Variants in TEX15 observed in about 807,000 individuals in gnomAD.
The protein encoded by TEX15 is testis expressed 15, meiosis and synapsis associated.
TEX15 carries 171 observed loss-of-function variants against 237.3 expected under a neutral mutation model. That is an observed-to-expected ratio of 0.72 (90% CI 0.64 to 0.82). TEX15 has a LOEUF of 0.82. Among genes scored for constraint, TEX15 ranks in the 40% least tolerant of loss-of-function variants. The pLI, the probability that TEX15 is intolerant of heterozygous loss-of-function variation, is 0.00. For synonymous variants in TEX15, 1,338 were observed against 1,269.8 expected, an observed-to-expected ratio of 1.05 and a Z score of -1.14; for missense variants, 3,750 against 3,646.5, an observed-to-expected ratio of 1.03 and a Z score of -0.73.
In TEX15 at chr8:30,848,272, T is replaced by C. The variant is rs755302336; in HGVS notation, c.1895A>G (p.Lys632Arg). Residue 632 changes from lysine (K) to arginine (R), a missense_variant, in exon 8 of 11, where the codon AAA (lysine) becomes AGA (arginine). Physicochemically the swap from Lys to Arg is conservative, Grantham distance 26 (BLOSUM62 2). Coordinates refer to ENST00000643185, the MANE Select transcript of TEX15 (RefSeq NM_001350162.2). ...CCATGAAGTTTGCTTTTCTTCATGT[T>C]TGGAACTGTCTTCCAGGTCAGCGAA... ...KNFADLEDSS[K>R]HEEKQTSWKE... The C allele has an allele frequency of 6.8e-6, 11 of 1,612,744 alleles. 1 individual carries two copies. In the Middle Eastern group the frequency reaches 4.9e-4, roughly 72 times the overall value.
chr8:30,857,994 A>G (rs1807946466), intron 7 of TEX15, among the ~76,000 whole-genome samples: 1 of 152,214 alleles, frequency 6.6e-6, no homozygotes. Context: ...GTAAATACAT[A>G]TTCTATGGAA....
At chr8:30,885,996 T>C (rs192485489) in intron 3 of TEX15, among the ~76,000 whole-genome samples, 14 of 152,346 alleles carry the variant, frequency 9.2e-5, no homozygotes, top group Non-Finnish European at 1.5e-4. Flanking sequence ...TGTCCAAGTA[T>C]CTTCATGGTA....
intron 7 of TEX15, among the ~76,000 whole-genome samples, chr8:30,855,992 C>T (rs776085985): frequency 6.6e-6 from 1 of 152,040 alleles, no homozygotes; most frequent in Non-Finnish European, 1.5e-5. Flanking sequence ...TTCACCCAGG[C>T]TGTAGTGAAG....
chr8:30,873,419 G>T (rs2128772959), intron 4 of TEX15, among the ~76,000 whole-genome samples: 1 of 152,212 alleles, frequency 6.6e-6, no homozygotes, highest in East Asian at 1.9e-4. Flanking sequence ...AACGGGAAAT[G>T]GTCAAGGCAC....
chr8:30,847,913 T>A lies in TEX15; in HGVS notation c.2254A>T (p.Lys752Ter). ...ATGCTAGCATAATTTTGATTTATTTTCCCCAATTTCAGTTCCATTAGCTTT... is the reference window on the plus strand; with the variant it reads ...ATGCTAGCATAATTTTGATTTATTTACCCCAATTTCAGTTCCATTAGCTTT... ...AQKLMELKLG[K>*]INQNYASIIT... is the part of the protein sequence containing the mutation. The change falls in exon 8 of 11, where the codon AAA becomes TAA. Residue 752 changes from lysine to a stop codon, truncating the protein, a stop_gained. Transcript: ENST00000643185. LOFTEE classifies it high-confidence loss of function. 1 of 1,613,934 alleles carries A rather than the reference T, an allele frequency of 6.2e-7. No homozygotes were observed. The highest frequency in any genetic ancestry group is 8.5e-7 in the Non-Finnish European group (1 of 1,179,928).
chr8:30,868,538 C>A (rs1808224463), intron 4 of TEX15, among the ~76,000 whole-genome samples: 1 of 151,982 alleles, frequency 6.6e-6, no homozygotes, highest in Non-Finnish European at 1.5e-5. Flanking sequence ...GTATACCATG[C>A]ACATAAGTAT....
At chr8:30,907,314 T>A (rs1809123024) in intron 1 of TEX15, among the ~76,000 whole-genome samples, 1 of 151,982 alleles carries the variant, frequency 6.6e-6, no homozygotes, top group Admixed American at 6.6e-5. Flanking sequence ...GGTGACTGGA[T>A]AATATTCAAA....
At chr8:30,879,138 T>C (rs1458156108) in intron 3 of TEX15, among the ~76,000 whole-genome samples, 1 of 152,104 alleles carries the variant, frequency 6.6e-6, no homozygotes, top group South Asian at 2.1e-4. Flanking sequence ...TTTTTTTTTT[T>C]ACCTACTGAA....
intron 1 of TEX15, among the ~76,000 whole-genome samples, chr8:30,906,759 A>G (rs1437895523): frequency 6.6e-6 from 1 of 152,202 alleles, no homozygotes; most frequent in Non-Finnish European, 1.5e-5. Flanking sequence ...TGCAGAAGAC[A>G]GTCAACCAAA....
At chr8:30,906,328 G>A (rs1433596778) in intron 1 of TEX15, among the ~76,000 whole-genome samples, 2 of 152,138 alleles carry the variant, frequency 1.3e-5, no homozygotes, top group Admixed American at 6.5e-5. Flanking sequence ...GCTCACGCCT[G>A]TAATCCCAGC....
chr8:30,862,775 C>A (rs987916086), intron 5 of TEX15, among the ~76,000 whole-genome samples: 2 of 151,834 alleles, frequency 1.3e-5, no homozygotes, highest in African/African-American at 4.8e-5. Flanking sequence ...TCTTTTCTTC[C>A]CCACTTAGAT....
intron 2 of TEX15, among the ~76,000 whole-genome samples, chr8:30,894,302 T>C (rs1233867807): frequency 2.0e-5 from 3 of 152,134 alleles, no homozygotes; most frequent in South Asian, 2.1e-4. Context: ...AACATAGCAA[T>C]GTAGCAAGAA....
rs562248944 is a variant in TEX15 at position 30,847,090 on chromosome 8, A to C, written c.3077T>G (p.Val1026Gly). Residue 1026 changes from valine (V) to glycine (G), a missense_variant, in exon 8 of 11, where the codon GTT (valine) becomes GGT (glycine). Val to Gly is a moderately radical substitution (Grantham distance 109). Coordinates refer to ENST00000643185, the MANE Select transcript of TEX15 (RefSeq NM_001350162.2). ...PDFGLLVKHR[V>G]SDCEIDTDKN... Reference sequence around the variant, plus strand: ...ATCCGTATCAATTTCACAATCAGAAACCCTATGTTTTACTAACAAACCAAA... The same window carrying C: ...ATCCGTATCAATTTCACAATCAGAACCCCTATGTTTTACTAACAAACCAAA... 1 of 1,613,382 alleles carries C rather than the reference A, an allele frequency of 6.2e-7. No homozygotes were observed. Among genetic ancestry groups the C allele is most frequent in the African/African-American group, 1.3e-5 (1 of 74,976 alleles).
chr8:30,868,984 T>C (rs1808233164), intron 4 of TEX15, among the ~76,000 whole-genome samples: 1 of 151,582 alleles, frequency 6.6e-6, no homozygotes, highest in Admixed American at 6.6e-5. Flanking sequence ...AAATCCTCTG[T>C]AAATTGAAGT....
chr8:30,859,369 T>A (rs374846101), intron 6 of TEX15, among the ~76,000 whole-genome samples: 7 of 152,092 alleles, frequency 4.6e-5, no homozygotes, highest in Non-Finnish European at 8.8e-5. Flanking sequence ...TTGCAAAGTA[T>A]AGAAGATCAA....
chr8:30,845,607 A>C lies in TEX15; in HGVS notation c.4560T>G (p.Pro1520=). The C allele has an allele frequency of 3.7e-6, 6 of 1,613,692 alleles. No homozygotes were observed. The South Asian group carries it at 6.6e-5, about 18-fold the overall frequency. Residue 1520 remains proline, a synonymous_variant, in exon 8 of 11, where the codon CCT becomes CCG. Transcript: ENST00000643185. The part of the protein sequence containing the change: ...CNQEHPESQL[P]VSSTSQSTSQ... ...TTGTACTTTGGGATGTGGAGGATAC[A>C]GGCAACTGTGATTCAGGATGTTCTT...
chr8:30,912,363 C>T (rs1434307450), intron 1 of TEX15, among the ~76,000 whole-genome samples: 1 of 152,096 alleles, frequency 6.6e-6, no homozygotes, highest in Non-Finnish European at 1.5e-5. Flanking sequence ...CCGCGGATAT[C>T]CCCACGCACC....
rs953123235 is a variant in TEX15, at chr8:30,906,291, A to G, written c.-86+6588T>C. Among the ~76,000 whole-genome samples the G allele has an allele frequency of 3.6e-4, 55 of 152,190 alleles. 1 individual carries two copies. The highest frequency in any genetic ancestry group is 1.2e-3 in the African/African-American group (50 of 41,524). ...AGTCTTTGTTTCTGTTTTAGCCTTA[A>G]AAGAGAACAAGCAGCTGGGCGCAGT... On this transcript the variant is annotated intron_variant, in intron 1 of 10. Coordinates refer to ENST00000643185, the MANE Select transcript of TEX15 (RefSeq NM_001350162.2).
intron 10 of TEX15, among the ~76,000 whole-genome samples, chr8:30,835,277 G>A (rs1807265740): frequency 6.6e-6 from 1 of 151,936 alleles, no homozygotes; most frequent in Admixed American, 6.6e-5. Flanking sequence ...GCTAATTTTT[G>A]TATTTTTAGT....
Sources: gnomAD v4.1 joint callset for allele counts (sites outside exome capture counted in the v4.1 genomes callset) on GRCh38, gnomAD v4.1.1 for gene constraint, MANE v1.5 for transcripts, NCBI Gene and HGNC (gene_info 2026-07-23, HGNC 2026-07-21) for gene names.